The following INTS3 variants were observed in gnomAD, a reference collection of about 807,000 sequenced individuals.
INTS3 encodes SOSS complex subunit A.
In INTS3, 34 loss-of-function variants were observed where a neutral mutation model predicts 146.3. The ratio of observed to expected loss-of-function variants is 0.23; its 90% CI spans 0.18 to 0.31. The LOEUF (loss-of-function observed/expected upper bound fraction) is 0.31. Ranked by LOEUF, INTS3 falls within the 10% of genes least tolerant of loss-of-function variation. The probability of loss-of-function intolerance (pLI) is 1.00; values close to 1 mark genes in which losing one functional copy is unlikely to be tolerated. For missense variants in INTS3, 757 were observed against 1,304.2 expected (o/e 0.58, Z 6.46); for synonymous variants, 475 against 494.9 (o/e 0.96, Z 0.53).
intron 7 of INTS3, among the ~76,000 whole-genome samples, chr1:153,751,869 C>G (rs920567025): frequency 1.3e-5 from 2 of 152,172 alleles, no homozygotes; most frequent in African/African-American, 4.8e-5. Flanking sequence ...ACATTTCTAC[C>G]ACAGAATCGG....
intron 12 of INTS3, 127 bp from the exon 13 acceptor site, chr1:153,760,700 A>T: frequency 1.3e-6 from 1 of 785,216 alleles, no homozygotes; most frequent in Non-Finnish European, 2.2e-6. Context: ...CAGGAAGTCC[A>T]GTTCTCTCTG....
intron 5 of INTS3, chr1:153,747,702 T>C: frequency 3.0e-6 from 1 of 331,724 alleles, no homozygotes; most frequent in Non-Finnish European, 5.7e-6. Flanking sequence ...AATTAATTTG[T>C]TCTCAAGTCC....
In INTS3 at chr1:153,759,629, C is replaced by T. The variant is rs1265264572; in HGVS notation, c.1237+16C>T. 1.3e-6 allele frequency: 2 copies of T among 1,539,504 alleles called. No individual in the cohort carries two copies. The highest frequency in any genetic ancestry group is 1.8e-6 in the Non-Finnish European group (2 of 1,112,388). On this transcript the variant is annotated intron_variant, in intron 11 of 29. Coordinates refer to ENST00000318967, the MANE Select transcript of INTS3 (RefSeq NM_023015.5). ...ATGAACATAGGTATGTGACCAAGAC[C>T]AGGCGGCTCCACTTCCCCATCCCCC...
intron 24 of INTS3, 106 bp downstream of exon 24, chr1:153,770,417 C>A: frequency 1.2e-6 from 1 of 815,806 alleles, no homozygotes. Flanking sequence ...ATCCATTGTC[C>A]TCCTTCCCAC....
intron 8 of INTS3, chr1:153,753,584 T>C (rs1354021632): frequency 6.7e-6 from 1 of 150,242 alleles, no homozygotes; most frequent in Non-Finnish European, 1.5e-5. Context: ...GAAAAGAAAC[T>C]GAGGTTTAAG....
rs1299843513 is a variant in INTS3 at position 153,728,147 on chromosome 1, T to TCACCCC, written c.-486_-481dup. ...TCCCATAGCGCTTATTGCCTCACCC[T>TCACCCC]CACCCCCTAGGGGCCGGATCCAAAG... On this transcript the variant is annotated 5_prime_UTR_variant, in exon 1 of 30. Transcript: ENST00000318967. The TCACCCC allele has an allele frequency of 7.8e-6, 3 of 384,106 alleles. No individual in the cohort carries two copies. Among genetic ancestry groups the TCACCCC allele is most frequent in the Non-Finnish European group, 1.4e-5 (3 of 218,156 alleles). 23.8% of individuals were successfully genotyped at this position (384,106 alleles called of 1,614,324 possible).
In INTS3 at chr1:153,728,163, G is replaced by C; in HGVS notation, c.-472G>C. 2.5e-6 allele frequency: 1 copy of C among 397,414 alleles called. No individual in the cohort carries two copies. The highest frequency in any genetic ancestry group is 3.6e-5 in the East Asian group (1 of 27,908). The allele number at this position is 397,414 out of a possible 1,614,324, so 24.6% of individuals were successfully genotyped here. ...GCCTCACCCTCACCCCCTAGGGGCC[G>C]GATCCAAAGGCGCTGCACTCCCCAA... On this transcript the variant is annotated 5_prime_UTR_variant, in exon 1 of 30. Transcript: ENST00000318967.
In INTS3 at chr1:153,757,311, G is replaced by C. The variant is rs1023436758; in HGVS notation, c.958-261G>C. 6.6e-6 allele frequency among the ~76,000 whole-genome samples: 1 copy of C among 152,204 alleles called. No individual in the cohort carries two copies. Among genetic ancestry groups the C allele is most frequent in the Non-Finnish European group, 1.5e-5 (1 of 68,024 alleles). ...AAAAACTGGACTGAAGTTGCAGTTG[G>C]GGGTAAATGTAGCCTGAGGTCAGTG... On this transcript the variant is annotated intron_variant, in intron 9 of 29. Coordinates refer to ENST00000318967, the MANE Select transcript of INTS3 (RefSeq NM_023015.5). The surrounding 1 kb of genome is among the most constrained non-coding windows in gnomAD (Gnocchi z 4.0).
At chr1:153,745,545 C>T (rs1274924678) in intron 3 of INTS3, among the ~76,000 whole-genome samples, 1 of 151,842 alleles carries the variant, frequency 6.6e-6, no homozygotes, top group Non-Finnish European at 1.5e-5. Flanking sequence ...CTAGTTTCTA[C>T]TCTTTCTGAT....
At chr1:153,731,475 A>G (rs978855062) in intron 1 of INTS3, among the ~76,000 whole-genome samples, 1 of 151,964 alleles carries the variant, frequency 6.6e-6, no homozygotes, top group African/African-American at 2.4e-5. Flanking sequence ...TAGAACATGT[A>G]GTTCCTAATC....
At position 153,728,705 on chromosome 1, in the gene INTS3, G is replaced by A; in HGVS notation, c.71G>A (p.Gly24Glu). The A allele has an allele frequency of 6.2e-7, 1 of 1,608,012 alleles. No individual in the cohort carries two copies. Among genetic ancestry groups the A allele is most frequent in the South Asian group, 1.1e-5 (1 of 90,688 alleles). The change falls in exon 1 of 30, where the codon GGA becomes GAA. Residue 24 changes from glycine (G) to glutamate (E), a missense_variant. Physicochemically the swap from Gly to Glu is moderately conservative, Grantham distance 98 (BLOSUM62 -2). Around this residue, in one of 8 missense-constraint regions of INTS3, gnomAD observed 160 missense variants for 193.7 expected, o/e 0.83. Transcript: ENST00000318967. The stretch of plus-strand genomic sequence containing the variant: ...TCGGGAGCAGCGGGAGGTGGAGGAG[G>A]AGGAGCGGGAGCAGGAGCCCCAGGA... ...AASGAAGGGG[G>E]GAGAGAPGGG...
chr1:153,772,777 G>T lies in INTS3; in HGVS notation c.2894+66G>T. 2 of 1,590,976 alleles carry T rather than the reference G, an allele frequency of 1.3e-6. No homozygotes were observed. The highest frequency in any genetic ancestry group is 2.2e-5 in the South Asian group (2 of 89,048). On this transcript the variant is annotated intron_variant, in intron 28 of 29. Transcript: ENST00000318967. The surrounding 1 kb of genome is among the most constrained non-coding windows in gnomAD (Gnocchi z 4.6). ...GAAAAGCCTAAGGGAGAGGAAGCCTGCTAGGGACATAAACGTAATGGCCAG... is the reference window on the plus strand; with the variant it reads ...GAAAAGCCTAAGGGAGAGGAAGCCTTCTAGGGACATAAACGTAATGGCCAG...
At position 153,773,386 on chromosome 1, in the gene INTS3, TC is replaced by T; in HGVS notation, c.*121del. ...AAACACCCTTGCTGCATCCCCAAGC[TC>T]CCCCGGTGGAAGGAGGAGCTTTCTC... On this transcript the variant is annotated 3_prime_UTR_variant, in exon 30 of 30. Transcript: ENST00000318967. The T allele has an allele frequency of 1.0e-6, 1 of 983,784 alleles. No homozygotes were observed. Among genetic ancestry groups the T allele is most frequent in the Non-Finnish European group, 1.6e-6 (1 of 625,408 alleles). The allele number at this position is 983,784 out of a possible 1,614,324, so 60.9% of individuals were successfully genotyped here. A position where few individuals can be genotyped will look rare whatever the true frequency, so the allele number is the denominator to read the frequency against.
chr1:153,772,514 G>A lies in INTS3; in HGVS notation c.2821+74G>A, dbSNP rs753824115. The A allele has an allele frequency of 2.5e-6, 4 of 1,612,752 alleles. No individual in the cohort carries two copies. The African/African-American group carries it at 5.3e-5, about 22-fold the overall frequency. ...CAGACTATGCCTGGAGCCAGGCTGG[G>A]GGCAGGGGCAGGACACCCGGGGCCA... On this transcript the variant is annotated intron_variant, in intron 27 of 29. Transcript: ENST00000318967. The surrounding 1 kb of genome is among the most constrained non-coding windows in gnomAD (Gnocchi z 4.6).
chr1:153,770,058 GGTGT>G (rs55766761), intron 23 of INTS3, 136 bp from the exon 24 acceptor site: 45,788 of 420,404 alleles, frequency 0.11, 759 homozygotes, highest in Non-Finnish European at 0.13. Context: ...AGTGGATTGG[GGTGT>G]GTGTGTGTGT....
In INTS3 at chr1:153,771,770, C is replaced by T. The variant is rs746070789; in HGVS notation, c.2553-26C>T. Reference sequence around the variant, plus strand: ...TGCCCTGCGGCCACTGTGCAAGCAGCACCCAGTGCCCCCTTCCTCCCCCAG... The same window carrying T: ...TGCCCTGCGGCCACTGTGCAAGCAGTACCCAGTGCCCCCTTCCTCCCCCAG... On this transcript the variant is annotated intron_variant, in intron 25 of 29. Transcript: ENST00000318967. The T allele has an allele frequency of 3.1e-6, 5 of 1,598,932 alleles. No homozygotes were observed. The East Asian group carries it at 9.0e-5, about 29-fold the overall frequency.
Position 153,765,384 on chromosome 1 carries a change from T to A in INTS3, c.2090+321T>A, listed in dbSNP as rs1273939088. On this transcript the variant is annotated intron_variant, in intron 20 of 29. Transcript: ENST00000318967. ...TTAAAATTTTTTTGTAGAGACAGGG[T>A]CTTACTTTGTTGCCCAGGATGGTCT... is the stretch of plus-strand genomic sequence containing the variant. Among the ~76,000 whole-genome samples the A allele has an allele frequency of 5.9e-5, 9 of 151,946 alleles. No individual in the cohort carries two copies. The South Asian group carries it at 1.0e-3, about 18-fold the overall frequency.
rs974477591 is a variant in INTS3 at position 153,742,091 on chromosome 1, T to C, written c.318+723T>C. On this transcript the variant is annotated intron_variant, in intron 3 of 29. Transcript: ENST00000318967. Reference sequence around the variant, plus strand: ...TCCGGGGATAAGAACAGGATGCTCATGGTTCCTTGGCATAGCTGCTTGAAT... The same window carrying C: ...TCCGGGGATAAGAACAGGATGCTCACGGTTCCTTGGCATAGCTGCTTGAAT... Among the ~76,000 whole-genome samples, 269 of 152,312 alleles carry C rather than the reference T, an allele frequency of 1.8e-3. 4 individuals carry two copies. The highest frequency in any genetic ancestry group is 3.4e-4 in the Non-Finnish European group (23 of 68,030).
intron 3 of INTS3, among the ~76,000 whole-genome samples, chr1:153,743,733 G>T (rs1287138759): frequency 6.6e-6 from 1 of 152,174 alleles, no homozygotes; most frequent in Non-Finnish European, 1.5e-5. Flanking sequence ...CTGTGGCAAG[G>T]AGGGAGGCTA....
Sources: allele counts gnomAD v4.1 joint callset (sites outside exome capture counted in the v4.1 genomes callset), GRCh38; gene constraint gnomAD v4.1.1; regional missense constraint gnomAD v4.1.1; non-coding constraint Gnocchi (gnomAD v3.1); transcripts MANE v1.5; gene names NCBI Gene and HGNC (gene_info 2026-07-23, HGNC 2026-07-21).